FAM227B: variants seen among roughly 807,000 people sequenced by gnomAD.
FAM227B encodes protein FAM227B.
In FAM227B, 88 loss-of-function variants were observed where a neutral mutation model predicts 73.8. The observed-to-expected ratio is 1.19, with a 90% CI of 1.00 to 1.42. The LOEUF is 1.42. FAM227B is among the 40% of genes most tolerant of loss of function. The pLI is 0.00. For missense variants in FAM227B, 632 were observed against 590.9 expected (o/e 1.07, Z -0.72); for synonymous variants, 210 against 190.5 (o/e 1.10, Z -0.84).
intron 8 of FAM227B, among the ~76,000 whole-genome samples, chr15:49,569,226 C>T (rs12907986): frequency 0.052 from 7,948 of 151,820 alleles, 356 homozygotes; most frequent in East Asian, 0.23. Flanking sequence ...ATTGCCCCCA[C>T]TTTTTTATAA....
At position 49,422,118 on chromosome 15, in the gene FAM227B, C is replaced by CAGAGAGAGAGAGAG. The variant is rs1432810961; in HGVS notation, c.1013-50720_1013-50719insCTCTCTCTCTCTCT. 5.8e-4 allele frequency among the ~76,000 whole-genome samples: 46 copies of CAGAGAGAGAGAGAG among 79,126 alleles called. 1 individual carries two copies. The highest frequency in any genetic ancestry group is 4.6e-3 in the East Asian group (16 of 3,460). 51.9% of individuals were successfully genotyped at this position (79,126 alleles called of 152,430 possible). ...CCTGGTGGTAAAGTAGTGCATTTCA[C>CAGAGAGAGAGAGAG]ATAGAGAGAGAGAGAGAGAGAGAGA... On this transcript the variant is annotated intron_variant, in intron 11 of 15. Transcript: ENST00000299338.
intron 11 of FAM227B, chr15:49,395,933 T>C (rs1311423255): frequency 4.4e-6 from 2 of 456,004 alleles, no homozygotes; most frequent in Non-Finnish European, 8.8e-6. Flanking sequence ...ATGAATGCCA[T>C]GTCCAAAGAA....
chr15:49,565,240 G>C (rs991103436), intron 9 of FAM227B, among the ~76,000 whole-genome samples: 1 of 151,898 alleles, frequency 6.6e-6, no homozygotes, highest in African/African-American at 2.4e-5. Flanking sequence ...AAATTAGCCA[G>C]GGGTGGTGAT....
intron 1 of FAM227B, among the ~76,000 whole-genome samples, chr15:49,615,608 A>G (rs1042210318): frequency 6.6e-6 from 1 of 152,086 alleles, no homozygotes; most frequent in Non-Finnish European, 1.5e-5. Context: ...CATGATTGTA[A>G]GTTTCCTGAG....
chr15:49,365,267 A>AGT, intron 13 of FAM227B: 5 of 1,302,034 alleles, frequency 3.8e-6, no homozygotes, highest in Admixed American at 3.4e-5. Flanking sequence ...GGCAATAATA[A>AGT]GTGTGCAAGT....
Position 49,328,008 on chromosome 15 carries a change from T to C in FAM227B, c.*560A>G, listed in dbSNP as rs1385508590. The stretch of plus-strand genomic sequence containing the variant: ...GGAGCAGGATGGGGAGGCTGCACAG[T>C]ATCAATGGTACCTGCGGACAAGCTG... On this transcript the variant is annotated 3_prime_UTR_variant, in exon 16 of 16. Coordinates refer to ENST00000299338, the MANE Select transcript of FAM227B (RefSeq NM_152647.3). The C allele has an allele frequency of 6.2e-7, 1 of 1,613,924 alleles. No homozygotes were observed. The highest frequency in any genetic ancestry group is 8.5e-7 in the Non-Finnish European group (1 of 1,179,814).
At chr15:49,614,928 C>T (rs376049468) in intron 2 of FAM227B, 193 bp downstream of exon 2, 51 of 591,316 alleles carry the variant, frequency 8.6e-5, no homozygotes, top group East Asian at 5.4e-4. Context: ...GGCTGCAGCA[C>T]CCTATTAAAG....
At chr15:49,617,626 C>G (rs963741389) in intron 1 of FAM227B, among the ~76,000 whole-genome samples, 3 of 150,746 alleles carry the variant, frequency 2.0e-5, no homozygotes, top group Non-Finnish European at 4.4e-5. Flanking sequence ...TTGCAAGATA[C>G]TAAAAAAAAA....
At chr15:49,617,341 A>G (rs949792090) in intron 1 of FAM227B, among the ~76,000 whole-genome samples, 19 of 152,212 alleles carry the variant, frequency 1.2e-4, no homozygotes, top group African/African-American at 4.3e-4. Flanking sequence ...GAGAGCTATA[A>G]TAAGATAATG....
intron 11 of FAM227B, among the ~76,000 whole-genome samples, chr15:49,492,597 G>C (rs531769448): frequency 6.6e-6 from 1 of 151,728 alleles, no homozygotes; most frequent in Non-Finnish European, 1.5e-5. Flanking sequence ...TTACTTTCTT[G>C]CTAATAAATC....
chr15:49,494,256 A>AACACACACACACACAC lies in FAM227B; in HGVS notation c.1012+13939_1012+13954dup, dbSNP rs374477211. ...CTATTGCCTTAGTGGGAGACACACA[A>AACACACACACACACAC]ACACACACACACACACACACACACA... On this transcript the variant is annotated intron_variant, in intron 11 of 15. Transcript: ENST00000299338. 7.3e-3 allele frequency among the ~76,000 whole-genome samples: 1,027 copies of AACACACACACACACAC among 140,696 alleles called. 9 individuals carry two copies. Among genetic ancestry groups the AACACACACACACACAC allele is most frequent in the African/African-American group, 0.025 (973 of 39,066 alleles). 92.3% of individuals were successfully genotyped at this position (140,696 alleles called of 152,430 possible).
chr15:49,346,926 A>G (rs8039920), intron 13 of FAM227B, among the ~76,000 whole-genome samples: 1 of 152,084 alleles, frequency 6.6e-6, no homozygotes, highest in African/African-American at 2.4e-5. Flanking sequence ...TATAAGTAAA[A>G]TATTTTAATG....
intron 11 of FAM227B, among the ~76,000 whole-genome samples, chr15:49,389,881 C>T (rs1043751230): frequency 6.6e-6 from 1 of 151,920 alleles, no homozygotes; most frequent in Non-Finnish European, 1.5e-5. Context: ...CAGCTTTTGC[C>T]TTGTCTTTAT....
intron 11 of FAM227B, among the ~76,000 whole-genome samples, chr15:49,438,418 A>G (rs2051305664): frequency 1.3e-5 from 2 of 151,766 alleles, no homozygotes; most frequent in African/African-American, 2.4e-5. Context: ...TGTTCCACCC[A>G]GTCTTTGATA....
At chr15:49,535,640 T>C (rs899244669) in intron 10 of FAM227B, among the ~76,000 whole-genome samples, 1 of 151,824 alleles carries the variant, frequency 6.6e-6, no homozygotes, top group Non-Finnish European at 1.5e-5. Context: ...ATTTCTCTGA[T>C]GAACAATGAT....
intron 11 of FAM227B, among the ~76,000 whole-genome samples, chr15:49,420,026 C>A (rs1263553261): frequency 6.6e-6 from 1 of 152,126 alleles, no homozygotes; most frequent in African/African-American, 2.4e-5. Context: ...AATAAAACTC[C>A]AAATGTTTTC....
rs200727695 is a variant in FAM227B at position 49,552,859 on chromosome 15, C to A, written c.748-11053G>T. On this transcript the variant is annotated intron_variant, in intron 9 of 15. Coordinates refer to ENST00000299338, the MANE Select transcript of FAM227B (RefSeq NM_152647.3). Reference sequence around the variant, plus strand: ...TTTGTTAAGTTTATCTGATATAATTCAGATTCCTTCTCTGGGTTATCCTGA... The same window carrying A: ...TTTGTTAAGTTTATCTGATATAATTAAGATTCCTTCTCTGGGTTATCCTGA... Among the ~76,000 whole-genome samples the A allele has an allele frequency of 3.9e-5, 6 of 152,178 alleles. No individual in the cohort carries two copies. In the East Asian group the frequency reaches 1.2e-3, roughly 29 times the overall value.
intron 11 of FAM227B, among the ~76,000 whole-genome samples, chr15:49,419,910 T>C (rs912240438): frequency 4.6e-5 from 7 of 152,228 alleles, no homozygotes; most frequent in African/African-American, 9.6e-5. Flanking sequence ...CTCATGGCAC[T>C]ATGTATCTTT....
intron 11 of FAM227B, among the ~76,000 whole-genome samples, chr15:49,441,889 A>G (rs923353601): frequency 2.6e-5 from 4 of 151,528 alleles, no homozygotes; most frequent in Non-Finnish European, 5.9e-5. Flanking sequence ...CAACCTTCTC[A>G]TTGTACTTAT....
Sources: allele counts gnomAD v4.1 joint callset (sites outside exome capture counted in the v4.1 genomes callset), GRCh38; gene constraint gnomAD v4.1.1; transcripts MANE v1.5; gene names NCBI Gene and HGNC (gene_info 2026-07-23, HGNC 2026-07-21).